CNTNAP5: variants seen among roughly 807,000 people sequenced by gnomAD.
CNTNAP5 encodes the protein contactin-associated protein-like 5.
Under a neutral mutation model 150.2 loss-of-function variants are expected in CNTNAP5, and 72 were observed. That is an observed-to-expected ratio of 0.48 (90% CI 0.40 to 0.58). The LOEUF is 0.58. Among genes scored for constraint, CNTNAP5 ranks in the 20% least tolerant of loss-of-function variants. The probability of loss-of-function intolerance (pLI) is 0.00; values close to 1 mark genes in which losing one functional copy is unlikely to be tolerated. For synonymous variants in CNTNAP5, 672 were observed against 619.8 expected (o/e 1.08, Z -1.25); for missense variants, 1,636 against 1,626.2 (o/e 1.01, Z -0.10).
intron 7 of CNTNAP5, among the ~76,000 whole-genome samples, chr2:124,501,920 T>A (rs1227599253): frequency 6.6e-6 from 1 of 152,126 alleles, no homozygotes; most frequent in Non-Finnish European, 1.5e-5. Context: ...AGTAGAGGCA[T>A]GCGCTAAAGA....
intron 12 of CNTNAP5, among the ~76,000 whole-genome samples, chr2:124,644,205 C>T (rs1362689286): frequency 6.6e-6 from 1 of 152,202 alleles, no homozygotes; most frequent in Non-Finnish European, 1.5e-5. Flanking sequence ...ATGACTGTCA[C>T]ATAAACCTCT....
intron 3 of CNTNAP5, among the ~76,000 whole-genome samples, chr2:124,257,052 C>T (rs373887318): frequency 6.6e-6 from 1 of 152,090 alleles, no homozygotes. Flanking sequence ...ATACAACCCA[C>T]GCAGTCCCAA....
At chr2:124,115,423 A>C (rs919942868) in intron 1 of CNTNAP5, among the ~76,000 whole-genome samples, 72 of 152,300 alleles carry the variant, frequency 4.7e-4, no homozygotes, top group African/African-American at 1.6e-3. Context: ...ATTCTAACCA[A>C]GTAAGGGCTA....
intron 3 of CNTNAP5, among the ~76,000 whole-genome samples, chr2:124,329,796 G>A (rs1290265297): frequency 6.6e-6 from 1 of 152,104 alleles, no homozygotes; most frequent in African/African-American, 2.4e-5. Flanking sequence ...CAAGCAAACA[G>A]GTCTTTAGCA....
intron 20 of CNTNAP5, among the ~76,000 whole-genome samples, chr2:124,866,870 A>G (rs1677643174): frequency 6.6e-6 from 1 of 152,054 alleles, no homozygotes; most frequent in African/African-American, 2.4e-5. Context: ...ACTGCTAACA[A>G]TTGCCAGTTT....
rs538687323 is a variant in CNTNAP5, at chr2:124,460,495, T to C, written c.918+13558T>C. ...AAATATACTTATTTTTTAAATTGTC[T>C]ATCTCATCATCTCTAGTCCAGCCAT... On this transcript the variant is annotated intron_variant, in intron 6 of 23. Coordinates refer to ENST00000682447, the MANE Select transcript of CNTNAP5 (RefSeq NM_001367498.1). Among the ~76,000 whole-genome samples, 5 of 152,308 alleles carry C rather than the reference T, an allele frequency of 3.3e-5. No homozygotes were observed. The South Asian group carries it at 6.2e-4, about 19-fold the overall frequency.
At chr2:124,635,322 G>A (rs896439550) in intron 12 of CNTNAP5, among the ~76,000 whole-genome samples, 5 of 152,110 alleles carry the variant, frequency 3.3e-5, no homozygotes, top group Non-Finnish European at 7.3e-5. Flanking sequence ...GTATTCGGGA[G>A]GATAGTGCTA....
intron 3 of CNTNAP5, among the ~76,000 whole-genome samples, chr2:124,405,377 G>T (rs1691543743): frequency 6.6e-6 from 1 of 152,152 alleles, no homozygotes; most frequent in Admixed American, 6.5e-5. Context: ...CAAGTGCCTG[G>T]CATGGAGGAG....
chr2:124,215,350 AC>A (rs1686128135), intron 1 of CNTNAP5, among the ~76,000 whole-genome samples: 1 of 152,208 alleles, frequency 6.6e-6, no homozygotes, highest in Non-Finnish European at 1.5e-5. Flanking sequence ...TATGTTGGCA[AC>A]AAAAAATGTT....
intron 1 of CNTNAP5, among the ~76,000 whole-genome samples, chr2:124,158,017 A>T (rs953359701): frequency 1.3e-5 from 2 of 152,200 alleles, no homozygotes; most frequent in African/African-American, 4.8e-5. Context: ...CTTTGAAATG[A>T]AGATGACATG....
At chr2:124,221,880 A>C in intron 2 of CNTNAP5, 71 bp downstream of exon 2, 11 of 948,624 alleles carry the variant, frequency 1.2e-5, no homozygotes, top group Non-Finnish European at 1.7e-5. Flanking sequence ...AAGGAGAGTG[A>C]GCACTCTCAG....
At chr2:124,790,570 A>G (rs1453430890) in intron 18 of CNTNAP5, among the ~76,000 whole-genome samples, 1 of 152,244 alleles carries the variant, frequency 6.6e-6, no homozygotes, top group Non-Finnish European at 1.5e-5. Context: ...AGAGAATATC[A>G]GTAAATTAGT....
intron 1 of CNTNAP5, among the ~76,000 whole-genome samples, chr2:124,215,011 A>G (rs960624989): frequency 6.6e-6 from 1 of 152,192 alleles, no homozygotes; most frequent in Non-Finnish European, 1.5e-5. Flanking sequence ...ATTCAAGAGT[A>G]ATATTATAGT....
intron 14 of CNTNAP5, among the ~76,000 whole-genome samples, chr2:124,754,877 G>A (rs976977675): frequency 6.6e-6 from 1 of 151,648 alleles, no homozygotes; most frequent in African/African-American, 2.4e-5. Context: ...TAGGCAGAAT[G>A]TTTTGTGAGG....
At chr2:124,142,195 A>T (rs1276946455) in intron 1 of CNTNAP5, among the ~76,000 whole-genome samples, 1 of 118,162 alleles carries the variant, frequency 8.5e-6, no homozygotes, top group Non-Finnish European at 1.7e-5. Flanking sequence ...ATAATGGGAG[A>T]CTTTAACACC....
At chr2:124,241,096 A>G (rs553448493) in intron 2 of CNTNAP5, among the ~76,000 whole-genome samples, 3 of 152,312 alleles carry the variant, frequency 2.0e-5, no homozygotes, top group Non-Finnish European at 4.4e-5. Context: ...AGTCTGCGAT[A>G]GCTCCCACAT....
At chr2:124,772,072 C>T (rs756809034) in intron 16 of CNTNAP5, among the ~76,000 whole-genome samples, 4 of 151,452 alleles carry the variant, frequency 2.6e-5, no homozygotes, top group Non-Finnish European at 4.4e-5. Context: ...TAACATTATG[C>T]CCACCACCAC....
chr2:124,049,552 A>C (rs1681635933), intron 1 of CNTNAP5, among the ~76,000 whole-genome samples: 1 of 152,160 alleles, frequency 6.6e-6, no homozygotes. Context: ...CAAAATAATA[A>C]AAATTACCAG....
intron 13 of CNTNAP5, among the ~76,000 whole-genome samples, chr2:124,740,999 G>A (rs376425461): frequency 2.0e-5 from 3 of 152,226 alleles, no homozygotes; most frequent in African/African-American, 7.2e-5. Flanking sequence ...ACATCAAGTG[G>A]GGCAGTGGGT....
Sources: gnomAD v4.1 joint callset for allele counts (sites outside exome capture counted in the v4.1 genomes callset) on GRCh38, gnomAD v4.1.1 for gene constraint, MANE v1.5 for transcripts, NCBI Gene and HGNC (gene_info 2026-07-23, HGNC 2026-07-21) for gene names.